Variants in HNF1B observed in about 807,000 individuals in gnomAD.
The protein encoded by HNF1B is hepatocyte nuclear factor 1-beta.
Under a neutral mutation model 61.7 loss-of-function variants are expected in HNF1B, and 8 were observed. The ratio of observed to expected loss-of-function variants is 0.13; its 90% CI spans 0.08 to 0.23. HNF1B has a LOEUF of 0.23. Among genes scored for constraint, HNF1B ranks in the 10% least tolerant of loss-of-function variants. The probability of loss-of-function intolerance (pLI) is 1.00; values close to 1 mark genes in which losing one functional copy is unlikely to be tolerated. For synonymous variants in HNF1B, 314 were observed against 287.7 expected (o/e 1.09, Z -0.93); for missense variants, 562 against 714.5 (o/e 0.79, Z 2.43).
rs772315985 is a variant in HNF1B at position 37,744,617 on chromosome 17, G to T, written c.268C>A (p.Pro90Thr). The T allele has an allele frequency of 2.5e-5, 41 of 1,610,696 alleles. No individual in the cohort carries two copies. Among genetic ancestry groups the T allele is most frequent in the Non-Finnish European group, 3.5e-5 (41 of 1,179,988 alleles). Residue 90 changes from proline (P) to threonine (T), a missense_variant, in exon 1 of 9, where the codon CCC becomes ACC. Around this residue, in one of 6 missense-constraint regions of HNF1B, gnomAD observed 148 missense variants for 147.3 expected, o/e 1.00. Transcript: ENST00000617811. ...AGCGCCTGCAGCTCCTTGAGGATGGGAGGTGTGTCATAGTCGTCGCCGTCC... is the reference window on the plus strand; with the variant it reads ...AGCGCCTGCAGCTCCTTGAGGATGGTAGGTGTGTCATAGTCGTCGCCGTCC... ...SEDGDDYDTP[P>T]ILKELQALNT...
At chr17:37,723,601 C>T (rs1004942813) in intron 4 of HNF1B, among the ~76,000 whole-genome samples, 2 of 152,152 alleles carry the variant, frequency 1.3e-5, no homozygotes, top group African/African-American at 4.8e-5. Context: ...GAGATTGCCT[C>T]ATACCCAATG....
intron 7 of HNF1B, among the ~76,000 whole-genome samples, chr17:37,699,779 G>T (rs1331755113): frequency 2.6e-5 from 4 of 152,186 alleles, no homozygotes; most frequent in Non-Finnish European, 5.9e-5. Flanking sequence ...CCACTAAAAT[G>T]TGATTGGAAT....
intron 8 of HNF1B, among the ~76,000 whole-genome samples, chr17:37,692,240 G>T (rs1355638528): frequency 1.3e-5 from 2 of 152,238 alleles, no homozygotes; most frequent in African/African-American, 4.8e-5. Flanking sequence ...GGGCATGTCT[G>T]CCTTGACAAC....
rs939856240 is a variant in HNF1B, at chr17:37,738,051, T to A, written c.544+1389A>T. 3.3e-5 allele frequency among the ~76,000 whole-genome samples: 5 copies of A among 152,154 alleles called. No individual in the cohort carries two copies. In the East Asian group the frequency reaches 9.7e-4, roughly 29 times the overall value. On this transcript the variant is annotated intron_variant, in intron 2 of 8. Coordinates refer to ENST00000617811, the MANE Select transcript of HNF1B (RefSeq NM_000458.4). ...ACAGAGAGGCAGCACAGACTGGAAA[T>A]GCTGCATAAAGCTTAAATTGGGCAG...
intron 5 of HNF1B, 38 bp downstream of exon 5, chr17:37,710,465 T>A: frequency 6.2e-7 from 1 of 1,612,406 alleles, no homozygotes; most frequent in Admixed American, 1.7e-5. Context: ...CCTCTTATCT[T>A]ATCAGCTCCA....
intron 8 of HNF1B, among the ~76,000 whole-genome samples, chr17:37,692,790 C>G (rs929802924): frequency 6.6e-6 from 1 of 152,114 alleles, no homozygotes; most frequent in Non-Finnish European, 1.5e-5. Context: ...ATCCGGAGCC[C>G]AGGCCCAAGA....
At chr17:37,734,366 G>A (rs2033774987) in intron 2 of HNF1B, among the ~76,000 whole-genome samples, 1 of 152,182 alleles carries the variant, frequency 6.6e-6, no homozygotes, top group African/African-American at 2.4e-5. Flanking sequence ...AAATATAACT[G>A]GAGCTTTGTA....
At chr17:37,704,720 A>G (rs2032682855) in intron 6 of HNF1B, among the ~76,000 whole-genome samples, 197 bp downstream of exon 6, 2 of 152,222 alleles carry the variant, frequency 1.3e-5, no homozygotes, top group Admixed American at 6.5e-5. Flanking sequence ...AATCCATTCC[A>G]CAATTTTCTC....
chr17:37,732,571 A>G (rs1314132601), intron 3 of HNF1B, among the ~76,000 whole-genome samples: 1 of 152,200 alleles, frequency 6.6e-6, no homozygotes, highest in Non-Finnish European at 1.5e-5. Context: ...GAAAGCGCAC[A>G]CAGGCCTTGG....
At chr17:37,739,946 TTTAA>T (rs776143481) in intron 1 of HNF1B, among the ~76,000 whole-genome samples, 11 of 151,904 alleles carry the variant, frequency 7.2e-5, no homozygotes, top group East Asian at 3.9e-4. Context: ...TCTTGTTTTA[TTTAA>T]TTAATTAATT....
chr17:37,728,194 G>A (rs530315450), intron 4 of HNF1B, among the ~76,000 whole-genome samples: 2 of 151,710 alleles, frequency 1.3e-5, no homozygotes, highest in East Asian at 1.9e-4. Flanking sequence ...TAGAGATGGG[G>A]TTTCACCATG....
intron 8 of HNF1B, among the ~76,000 whole-genome samples, chr17:37,692,785 G>A (rs1200331442): frequency 6.6e-6 from 1 of 152,194 alleles, no homozygotes; most frequent in Non-Finnish European, 1.5e-5. Context: ...CAGGGATCCG[G>A]AGCCCAGGCC....
At chr17:37,728,399 T>C (rs1156674753) in intron 4 of HNF1B, among the ~76,000 whole-genome samples, 22 of 145,918 alleles carry the variant, frequency 1.5e-4, no homozygotes, top group Admixed American at 6.8e-4. Flanking sequence ...CTCCGCCTCC[T>C]GGGTTCACGC....
Position 37,731,844 on chromosome 17 carries a change from G to C in HNF1B, c.810-14C>G. The C allele has an allele frequency of 6.5e-7, 1 of 1,546,002 alleles. No individual in the cohort carries two copies. The highest frequency in any genetic ancestry group is 8.9e-7 in the Non-Finnish European group (1 of 1,119,682). ...AAACATTCTGCCCTGGGAATGGATG[G>C]AGGGGAGATGGTGAGTGAGGGGGGG... is the stretch of plus-strand genomic sequence containing the variant. On this transcript the variant is annotated splice_polypyrimidine_tract_variant and intron_variant, in intron 3 of 8. Transcript: ENST00000617811.
At chr17:37,731,306 G>A (rs1010863840) in intron 4 of HNF1B, 49 of 565,120 alleles carry the variant, frequency 8.7e-5, no homozygotes, top group Admixed American at 6.6e-4. Context: ...TAGAATGACC[G>A]CTGAGTCAGC....
intron 2 of HNF1B, among the ~76,000 whole-genome samples, chr17:37,735,167 A>G (rs2147558662): frequency 6.6e-6 from 1 of 152,214 alleles, no homozygotes; most frequent in Non-Finnish European, 1.5e-5. Context: ...TCCCTTTGTG[A>G]TGTAAATGAT....
chr17:37,744,722 C>T lies in HNF1B; in HGVS notation c.163G>A (p.Glu55Lys), dbSNP rs747360527. Residue 55 changes from glutamate to lysine, a missense_variant, in exon 1 of 9, where the codon GAG becomes AAG. By Grantham distance (56) the Glu-to-Lys change is moderately conservative. Transcript: ENST00000617811. ...TGGAAGACCGGCTTGGTGTCGGGCTCGGCCCCGCTGCCAGGGGACAGGGGC... is the reference window on the plus strand; with the variant it reads ...TGGAAGACCGGCTTGGTGTCGGGCTTGGCCCCGCTGCCAGGGGACAGGGGC... The part of the protein sequence containing the change: ...TLPLSPGSGA[E>K]PDTKPVFHTL... 4 of 1,613,278 alleles carry T rather than the reference C, an allele frequency of 2.5e-6. No homozygotes were observed. The African/African-American group carries it at 4.0e-5, about 16-fold the overall frequency.
At chr17:37,697,054 G>C (rs910037743) in intron 8 of HNF1B, among the ~76,000 whole-genome samples, 1 of 152,202 alleles carries the variant, frequency 6.6e-6, no homozygotes, top group African/African-American at 2.4e-5. Flanking sequence ...AAAGATGGTA[G>C]TGGAAGGCAA....
In HNF1B at chr17:37,705,125, T is replaced by G. The variant is rs572714492; in HGVS notation, c.1207-76A>C. 9.1e-5 allele frequency: 130 copies of G among 1,433,286 alleles called. 2 individuals carry two copies. Among genetic ancestry groups the G allele is most frequent in the Non-Finnish European group, 3.9e-6 (4 of 1,034,482 alleles). The allele number at this position is 1,433,286 out of a possible 1,614,324, so 88.8% of individuals were successfully genotyped here. On this transcript the variant is annotated intron_variant, in intron 5 of 8. Coordinates refer to ENST00000617811, the MANE Select transcript of HNF1B (RefSeq NM_000458.4). Reference sequence around the variant, plus strand: ...GAGCAGTTTCCAACACGATGTGACTTAGCGATTCCTTGGCATGACTAGTTC... The same window carrying G: ...GAGCAGTTTCCAACACGATGTGACTGAGCGATTCCTTGGCATGACTAGTTC...
Sources: gnomAD v4.1 joint callset for allele counts (sites outside exome capture counted in the v4.1 genomes callset) on GRCh38, gnomAD v4.1.1 for gene constraint, gnomAD v4.1.1 regional missense constraint, MANE v1.5 for transcripts, NCBI Gene and HGNC (gene_info 2026-07-23, HGNC 2026-07-21) for gene names.